Variants in GAL3ST4 observed in about 807,000 individuals in gnomAD.
GAL3ST4 encodes galactose-3-O-sulfotransferase 4, also known as beta-galactose-3-O-sulfotransferase 4.
Under a neutral mutation model 31.6 loss-of-function variants are expected in GAL3ST4, and 30 were observed. The ratio of observed to expected loss-of-function variants is 0.95; its 90% CI spans 0.71 to 1.29. The LOEUF (loss-of-function observed/expected upper bound fraction) is 1.29, where lower values mean the gene tolerates loss of function less well. GAL3ST4 is among the 50% of genes most tolerant of loss of function. GAL3ST4 has a pLI of 0.00. For synonymous variants in GAL3ST4, 248 were observed against 256.9 expected (o/e 0.97, Z 0.33); for missense variants, 629 against 625.2 (o/e 1.01, Z -0.06).
chr7:100,165,015 C>T (rs576865047), intron 3 of GAL3ST4, among the ~76,000 whole-genome samples: 248 of 151,682 alleles, frequency 1.6e-3, no homozygotes, highest in African/African-American at 5.6e-3. Context: ...GCTGGGACTA[C>T]GGGCACCCAC....
intron 3 of GAL3ST4, among the ~76,000 whole-genome samples, chr7:100,162,544 C>T (rs1048012306): frequency 1.4e-5 from 1 of 71,644 alleles, no homozygotes; most frequent in Non-Finnish European, 2.8e-5. Context: ...GACTCTGTCT[C>T]AAAAAAAAAA....
rs779944641 is a variant in GAL3ST4 at position 100,160,572 on chromosome 7, T to C, written c.817A>G (p.Ile273Val). Reference protein sequence around the residue: ...VSTVTDHRSQISSPASFDLGS... With the variant: ...VSTVTDHRSQVSSPASFDLGS... ...AAATCGAAAGAGGCAGGGCTTGATATCTGGCTGCGATGATCAGTAACAGTG... is the reference window on the plus strand; with the variant it reads ...AAATCGAAAGAGGCAGGGCTTGATACCTGGCTGCGATGATCAGTAACAGTG... Residue 273 changes from isoleucine (I) to valine (V), a missense_variant, in exon 4 of 4, where the codon ATA becomes GTA. Transcript: ENST00000360039. The C allele has an allele frequency of 3.1e-6, 5 of 1,613,804 alleles. No individual in the cohort carries two copies. In the South Asian group the frequency reaches 3.3e-5, roughly 11 times the overall value.
intron 3 of GAL3ST4, among the ~76,000 whole-genome samples, chr7:100,164,370 A>C (rs1047558977): frequency 6.8e-6 from 1 of 146,562 alleles, no homozygotes. Context: ...TTCCTTTAAA[A>C]CCCCCCGCTC....
chr7:100,161,415 G>A (rs1439409714), intron 3 of GAL3ST4, among the ~76,000 whole-genome samples: 1 of 152,024 alleles, frequency 6.6e-6, no homozygotes, highest in Non-Finnish European at 1.5e-5. Context: ...TTGGGAGGCC[G>A]AGGCGGGCGG....
Position 100,160,022 on chromosome 7 carries a change from G to T in GAL3ST4, c.1367C>A (p.Thr456Asn). 6.2e-7 allele frequency: 1 copy of T among 1,614,104 alleles called. No individual in the cohort carries two copies. Among genetic ancestry groups the T allele is most frequent in the Non-Finnish European group, 8.5e-7 (1 of 1,180,010 alleles). The change falls in exon 4 of 4, where the codon ACC (threonine) becomes AAC (asparagine). Residue 456 changes from threonine to asparagine, a missense_variant. Physicochemically the swap from Thr to Asn is moderately conservative, Grantham distance 65. Transcript: ENST00000360039. ...QDQEECERLA[T>N]PELQYKDKLD... ...CTTGTCCTTGTACTGGAGCTCAGGG[G>T]TAGCTAGGCGCTCACATTCCTCTTG...
rs1222595066 is a variant in GAL3ST4, at chr7:100,166,731, T to C, written c.200A>G (p.Gln67Arg). The change falls in exon 3 of 4, where the codon CAG (glutamine) becomes CGG (arginine). Residue 67 changes from glutamine (Q) to arginine (R), a missense_variant. Coordinates refer to ENST00000360039, the MANE Select transcript of GAL3ST4 (RefSeq NM_024637.5). ...ATGTGTCTTCAGGAACACCAGTCGC[T>C]GCCGGGGTGGGCAGGACGGAAGGGC... ...RPALPSCPPR[Q>R]RLVFLKTHKS... 6.2e-7 allele frequency: 1 copy of C among 1,613,930 alleles called. No homozygotes were observed.
In GAL3ST4 at chr7:100,159,878, T is replaced by A. The variant is rs1318048426; in HGVS notation, c.*50A>T. The A allele has an allele frequency of 6.9e-7, 1 of 1,452,314 alleles. No homozygotes were observed. The highest frequency in any genetic ancestry group is 2.3e-5 in the East Asian group (1 of 43,884). The allele number at this position is 1,452,314 out of a possible 1,614,324, so 90.0% of individuals were successfully genotyped here. On this transcript the variant is annotated 3_prime_UTR_variant, in exon 4 of 4. Coordinates refer to ENST00000360039, the MANE Select transcript of GAL3ST4 (RefSeq NM_024637.5). ...ATCTTGCTGCCCCCCACTCATCACA[T>A]GTGCCCTTCAAACATGGCTGCTCTT... is the stretch of plus-strand genomic sequence containing the variant.
In GAL3ST4 at chr7:100,159,915, T is replaced by C. The variant is rs1057221854; in HGVS notation, c.*13A>G. On this transcript the variant is annotated 3_prime_UTR_variant, in exon 4 of 4. Transcript: ENST00000360039. Reference sequence around the variant, plus strand: ...ACATGGCTGCTCTTCCACCTAAATCTGTAGTCTGATGTTTATGGGGAGAGT... The same window carrying C: ...ACATGGCTGCTCTTCCACCTAAATCCGTAGTCTGATGTTTATGGGGAGAGT... 1 of 1,577,478 alleles carries C rather than the reference T, an allele frequency of 6.3e-7. No individual in the cohort carries two copies. Among genetic ancestry groups the C allele is most frequent in the Admixed American group, 1.8e-5 (1 of 55,916 alleles).
At chr7:100,164,437 G>A (rs1473397110) in intron 3 of GAL3ST4, among the ~76,000 whole-genome samples, 2 of 152,128 alleles carry the variant, frequency 1.3e-5, no homozygotes, top group East Asian at 3.9e-4. Flanking sequence ...GGCTGAGGTG[G>A]GCGGATCACT....
rs1431136470 is a variant in GAL3ST4, at chr7:100,160,881, A to G, written c.508T>C (p.Ser170Pro). 3 of 1,614,194 alleles carry G rather than the reference A, an allele frequency of 1.9e-6. No individual in the cohort carries two copies. The highest frequency in any genetic ancestry group is 1.7e-5 in the Admixed American group (1 of 60,020). The change falls in exon 4 of 4, where the codon TCC (serine) becomes CCC (proline). Residue 170 changes from serine to proline, a missense_variant. Ser to Pro is a moderately conservative substitution (Grantham distance 74). Coordinates refer to ENST00000360039, the MANE Select transcript of GAL3ST4 (RefSeq NM_024637.5). ...DPAALARSAFSYYKSTSSAFR... is the reference protein window; with the variant it reads ...DPAALARSAFPYYKSTSSAFR... ...GCTGATGAGGTGGATTTATAGTAGG[A>G]GAAGGCAGAGCGAGCCAGAGCCGCT... is the stretch of plus-strand genomic sequence containing the variant.
intron 2 of GAL3ST4, 65 bp from the exon 3 acceptor site, chr7:100,166,870 C>T: frequency 6.5e-7 from 1 of 1,548,556 alleles, no homozygotes; most frequent in Non-Finnish European, 8.7e-7. Flanking sequence ...GGACAGAGGG[C>T]ATGGAGGCTT....
Position 100,159,975 on chromosome 7 carries a change from G to T in GAL3ST4, c.1414C>A (p.Pro472Thr), listed in dbSNP as rs149961692. The stretch of plus-strand genomic sequence containing the variant: ...GTCTTGAGGGGCAGTGAGACGGTAG[G>T]GGGGAACTGCTTGGCATCCAGCTTG... ...KDKLDAKQFPPTVSLPLKTSR... is the reference protein window; with the variant it reads ...KDKLDAKQFPTTVSLPLKTSR... The change falls in exon 4 of 4, where the codon CCT becomes ACT. Residue 472 changes from proline (P) to threonine (T), a missense_variant. Pro to Thr is a conservative substitution (Grantham distance 38). Coordinates refer to ENST00000360039, the MANE Select transcript of GAL3ST4 (RefSeq NM_024637.5). The T allele has an allele frequency of 4.3e-6, 7 of 1,613,538 alleles. No individual in the cohort carries two copies. The highest frequency in any genetic ancestry group is 1.3e-5 in the African/African-American group (1 of 74,968).
chr7:100,163,882 G>C (rs1166729909), intron 3 of GAL3ST4, among the ~76,000 whole-genome samples: 1 of 152,054 alleles, frequency 6.6e-6, no homozygotes, highest in Non-Finnish European at 1.5e-5. Context: ...AACAGTCTTT[G>C]GCATCTGGAC....
In GAL3ST4 at chr7:100,160,681, G is replaced by A. The variant is rs748647653; in HGVS notation, c.708C>T (p.Asn236=). Residue 236 remains asparagine, a synonymous_variant, in exon 4 of 4, where the codon AAC becomes AAT. Coordinates refer to ENST00000360039, the MANE Select transcript of GAL3ST4 (RefSeq NM_024637.5). The stretch of plus-strand genomic sequence containing the variant: ...AAGGCAAGACCTGCAGCTGTGGGGG[G>A]TTGGGGTCTCTGGGGGGATGAATAT... The part of the protein sequence containing the change: ...RGNIHPPRDP[N]PPQLQVLPSG... 1.9e-6 allele frequency: 3 copies of A among 1,613,738 alleles called. No homozygotes were observed. Among genetic ancestry groups the A allele is most frequent in the African/African-American group, 1.3e-5 (1 of 74,922 alleles).
At position 100,160,020 on chromosome 7, in the gene GAL3ST4, G is replaced by A. The variant is rs1296161339; in HGVS notation, c.1369C>T (p.Pro457Ser). Residue 457 changes from proline to serine, a missense_variant, in exon 4 of 4, where the codon CCT (proline) becomes TCT (serine). By Grantham distance (74) the Pro-to-Ser change is moderately conservative. Coordinates refer to ENST00000360039, the MANE Select transcript of GAL3ST4 (RefSeq NM_024637.5). ...DQEECERLAT[P>S]ELQYKDKLDA... ...AGCTTGTCCTTGTACTGGAGCTCAGGGGTAGCTAGGCGCTCACATTCCTCT... is the reference window on the plus strand; with the variant it reads ...AGCTTGTCCTTGTACTGGAGCTCAGAGGTAGCTAGGCGCTCACATTCCTCT... 6.2e-7 allele frequency: 1 copy of A among 1,614,072 alleles called. No individual in the cohort carries two copies. The highest frequency in any genetic ancestry group is 8.5e-7 in the Non-Finnish European group (1 of 1,180,014).
At position 100,160,434 on chromosome 7, in the gene GAL3ST4, A is replaced by T. The variant is rs1443224720; in HGVS notation, c.955T>A (p.Cys319Ser). 6.2e-7 allele frequency: 1 copy of T among 1,614,124 alleles called. No individual in the cohort carries two copies. The highest frequency in any genetic ancestry group is 1.1e-5 in the South Asian group (1 of 91,084). ...ESLVLLADAL[C>S]WGLDDVVGFM... ...CCCACCACGTCATCTAGACCCCAGC[A>T]CAGGGCATCTGCCAGCAGAACCAAT... The change falls in exon 4 of 4, where the codon TGC (cysteine) becomes AGC (serine). Residue 319 changes from cysteine (C) to serine (S), a missense_variant. Transcript: ENST00000360039.
At chr7:100,165,130 TC>T (rs1339991489) in intron 3 of GAL3ST4, among the ~76,000 whole-genome samples, 1 of 152,114 alleles carries the variant, frequency 6.6e-6, no homozygotes, top group African/African-American at 2.4e-5. Flanking sequence ...CGCCTTGGCC[TC>T]CCAAAGTGCT....
intron 3 of GAL3ST4, among the ~76,000 whole-genome samples, chr7:100,161,245 T>G (rs954342299): frequency 6.6e-6 from 1 of 152,170 alleles, no homozygotes; most frequent in African/African-American, 2.4e-5. Flanking sequence ...GCATGTTTTG[T>G]GTGCCTGTAG....
chr7:100,160,062 A>G lies in GAL3ST4; in HGVS notation c.1327T>C (p.Leu443=), dbSNP rs201047364. ...KVLGYILRSG[L]SPQDQEECER... ...CATTCCTCTTGGTCTTGGGGGCTCA[A>G]TCCACTCCGAAGTATATAGCCCAAA... The change falls in exon 4 of 4, where the codon TTG becomes CTG. Residue 443 remains leucine (L), a synonymous_variant. Coordinates refer to ENST00000360039, the MANE Select transcript of GAL3ST4 (RefSeq NM_024637.5). The G allele has an allele frequency of 6.2e-7, 1 of 1,614,098 alleles. No homozygotes were observed. Among genetic ancestry groups the G allele is most frequent in the Admixed American group, 1.7e-5 (1 of 60,002 alleles).
Sources: gnomAD v4.1 joint callset for allele counts (sites outside exome capture counted in the v4.1 genomes callset) on GRCh38, gnomAD v4.1.1 for gene constraint, MANE v1.5 for transcripts, NCBI Gene and HGNC (gene_info 2026-07-23, HGNC 2026-07-21) for gene names.